RABGAP1L: variants seen among roughly 807,000 people sequenced by gnomAD.
The protein encoded by RABGAP1L is RAB GTPase activating protein 1 like.
RABGAP1L carries 63 observed loss-of-function variants against 137.7 expected under a neutral mutation model. That is an observed-to-expected ratio of 0.46 (90% confidence interval 0.37 to 0.56). The LOEUF is 0.56. Among genes scored for constraint, RABGAP1L ranks in the 20% least tolerant of loss-of-function variants. The probability of loss-of-function intolerance (pLI) is 0.00; values close to 1 mark genes in which losing one functional copy is unlikely to be tolerated. For missense variants in RABGAP1L, 1,095 were observed against 1,244.0 expected (o/e 0.88, Z 1.80); for synonymous variants, 431 against 433.7 (o/e 0.99, Z 0.08).
chr1:174,899,302 G>T (rs1008590370), intron 19 of RABGAP1L, among the ~76,000 whole-genome samples: 4 of 152,138 alleles, frequency 2.6e-5, no homozygotes, highest in Non-Finnish European at 4.4e-5. Flanking sequence ...CTCAGGAGGG[G>T]CTTAAAATTA....
In RABGAP1L at chr1:174,690,307, T is replaced by C. The variant is rs556313496; in HGVS notation, c.1899+6711T>C. ...AGTATTGAGTACCTTATGATGAGTG[T>C]AAAGAGTCTTACATATTTTGTACCT... On this transcript the variant is annotated intron_variant, in intron 15 of 25. Coordinates refer to ENST00000681986, the MANE Select transcript of RABGAP1L (RefSeq NM_001366446.1). 3.3e-5 allele frequency among the ~76,000 whole-genome samples: 5 copies of C among 152,294 alleles called. No homozygotes were observed. The East Asian group carries it at 9.6e-4, about 29-fold the overall frequency.
chr1:174,652,948 C>G (rs1033442461), intron 14 of RABGAP1L, among the ~76,000 whole-genome samples: 1 of 152,212 alleles, frequency 6.6e-6, no homozygotes, highest in African/African-American at 2.4e-5. Flanking sequence ...AGTTTTATCT[C>G]TAAGGTCCTG....
intron 13 of RABGAP1L, among the ~76,000 whole-genome samples, chr1:174,587,433 T>TA (rs1669209633): frequency 7.1e-6 from 1 of 141,234 alleles, no homozygotes; most frequent in Admixed American, 7.1e-5. Flanking sequence ...CCCTAAAACT[T>TA]AAAGTATAAT....
chr1:174,207,291 A>G (rs543118023), intron 1 of RABGAP1L, among the ~76,000 whole-genome samples: 1 of 152,274 alleles, frequency 6.6e-6, no homozygotes, highest in South Asian at 2.1e-4. Context: ...AAATGGATGT[A>G]TTAGTCTGAA....
intron 4 of RABGAP1L, 134 bp downstream of exon 4, chr1:174,231,489 T>A (rs950943916): frequency 7.6e-6 from 6 of 790,320 alleles, no homozygotes; most frequent in African/African-American, 5.2e-5. Flanking sequence ...TGTTTAGGCT[T>A]AGACTGTGTT....
chr1:174,719,877 A>G (rs1362500677), intron 17 of RABGAP1L, among the ~76,000 whole-genome samples: 1 of 152,220 alleles, frequency 6.6e-6, no homozygotes, highest in East Asian at 1.9e-4. Flanking sequence ...ATTAATATAT[A>G]TGTACTTTAG....
At chr1:174,497,621 T>A (rs1660862036) in intron 13 of RABGAP1L, among the ~76,000 whole-genome samples, 1 of 152,114 alleles carries the variant, frequency 6.6e-6, no homozygotes, top group Non-Finnish European at 1.5e-5. Context: ...GGCACACTGA[T>A]TCTCTGAGCC....
chr1:174,787,988 G>A (rs184353176), intron 18 of RABGAP1L, among the ~76,000 whole-genome samples: 34 of 152,106 alleles, frequency 2.2e-4, no homozygotes, highest in Admixed American at 1.6e-3. Flanking sequence ...CCCTGTCCTG[G>A]TCTCTCTTTA....
At position 174,416,643 on chromosome 1, in the gene RABGAP1L, A is replaced by G. The variant is rs138824963; in HGVS notation, c.1710+22498A>G. ...CATTTGAGTGTGTATGTAAATATAT[A>G]TAAACAAACGTGTTTGTCATGCAAG... On this transcript the variant is annotated intron_variant, in intron 13 of 25. Coordinates refer to ENST00000681986, the MANE Select transcript of RABGAP1L (RefSeq NM_001366446.1). 6.1e-3 allele frequency among the ~76,000 whole-genome samples: 935 copies of G among 152,202 alleles called. 26 individuals carry two copies. Among genetic ancestry groups the G allele is most frequent in the Admixed American group, 0.041 (625 of 15,266 alleles).
intron 13 of RABGAP1L, among the ~76,000 whole-genome samples, chr1:174,529,727 G>A (rs1572185719): frequency 6.6e-6 from 1 of 152,128 alleles, no homozygotes; most frequent in Non-Finnish European, 1.5e-5. Flanking sequence ...TGACAATGGC[G>A]GGACAACCCT....
intron 13 of RABGAP1L, among the ~76,000 whole-genome samples, chr1:174,508,903 A>G (rs1053217565): frequency 6.6e-6 from 1 of 152,182 alleles, no homozygotes. Flanking sequence ...TCATTTAGCT[A>G]GAAATGAAAA....
intron 17 of RABGAP1L, among the ~76,000 whole-genome samples, chr1:174,720,827 A>T (rs907018295): frequency 1.3e-5 from 2 of 152,172 alleles, no homozygotes; most frequent in African/African-American, 2.4e-5. Flanking sequence ...AATGTTCAGG[A>T]ATTAGGTAGT....
chr1:174,553,930 C>T (rs1490489488), intron 13 of RABGAP1L, among the ~76,000 whole-genome samples: 1 of 152,242 alleles, frequency 6.6e-6, no homozygotes, highest in Admixed American at 6.5e-5. Context: ...GTCGAATCTG[C>T]AGTGAGCTGA....
chr1:174,225,352 T>A (rs1355872434), intron 3 of RABGAP1L, among the ~76,000 whole-genome samples: 1 of 152,136 alleles, frequency 6.6e-6, no homozygotes, highest in African/African-American at 2.4e-5. Context: ...AACTGGGACA[T>A]CTTGGGATTG....
chr1:174,218,608 T>A (rs1558040796), intron 1 of RABGAP1L, among the ~76,000 whole-genome samples: 1 of 152,214 alleles, frequency 6.6e-6, no homozygotes, highest in Non-Finnish European at 1.5e-5. Context: ...TGTCTTAGGA[T>A]GTTGAATTCT....
At chr1:174,677,090 G>A (rs906615117) in intron 14 of RABGAP1L, among the ~76,000 whole-genome samples, 1 of 149,206 alleles carries the variant, frequency 6.7e-6, no homozygotes, top group Non-Finnish European at 1.5e-5. Context: ...GGATGGCTGA[G>A]GCAGAAGGAA....
chr1:174,937,165 G>A (rs1664963295), intron 19 of RABGAP1L, among the ~76,000 whole-genome samples: 1 of 151,874 alleles, frequency 6.6e-6, no homozygotes, highest in South Asian at 2.1e-4. Context: ...TTTTAGTAGA[G>A]ATAGGGTTTC....
At chr1:174,954,858 C>A (rs1039657852) in intron 19 of RABGAP1L, among the ~76,000 whole-genome samples, 1 of 152,136 alleles carries the variant, frequency 6.6e-6, no homozygotes, top group African/African-American at 2.4e-5. Flanking sequence ...TGAAGCTTCC[C>A]CTTTTTCTAT....
chr1:174,683,978 A>C (rs1258008856), intron 15 of RABGAP1L, among the ~76,000 whole-genome samples: 1 of 152,170 alleles, frequency 6.6e-6, no homozygotes, highest in East Asian at 1.9e-4. Context: ...CCTGTCAGTT[A>C]CCTTCATTTG....
Sources: gnomAD v4.1 joint callset for allele counts (sites outside exome capture counted in the v4.1 genomes callset) on GRCh38, gnomAD v4.1.1 for gene constraint, MANE v1.5 for transcripts, NCBI Gene and HGNC (gene_info 2026-07-23, HGNC 2026-07-21) for gene names.